Variants in ACSS3 observed in about 807,000 individuals in gnomAD.
The protein encoded by ACSS3 is acyl-CoA synthetase short chain family member 3, also known as acyl-CoA synthetase short-chain family member 3, mitochondrial.
ACSS3 carries 64 observed loss-of-function variants against 84.2 expected under a neutral mutation model. That is an observed-to-expected ratio of 0.76 (90% CI 0.62 to 0.94). The LOEUF is 0.94. Ranked by LOEUF, ACSS3 falls within the 40% of genes least tolerant of loss-of-function variation. The pLI, the probability that ACSS3 is intolerant of heterozygous loss-of-function variation, is 0.00. For synonymous variants in ACSS3, 317 were observed against 310.1 expected, an observed-to-expected ratio of 1.02 and a Z score of -0.23; for missense variants, 815 against 867.6, an observed-to-expected ratio of 0.94 and a Z score of 0.76.
At chr12:81,121,973 G>A (rs2121548683) in intron 2 of ACSS3, among the ~76,000 whole-genome samples, 1 of 150,800 alleles carries the variant, frequency 6.6e-6, no homozygotes, top group Admixed American at 6.6e-5. Flanking sequence ...TTGCTCTGCT[G>A]CCCAGACAGG....
intron 5 of ACSS3, 125 bp downstream of exon 5, chr12:81,143,372 T>G: frequency 9.2e-7 from 1 of 1,085,470 alleles, no homozygotes; most frequent in Non-Finnish European, 1.2e-6. Flanking sequence ...TTCATTTGCT[T>G]TTATTTTTTT....
chr12:81,196,146 T>C (rs976129720), intron 8 of ACSS3, among the ~76,000 whole-genome samples: 3 of 152,158 alleles, frequency 2.0e-5, no homozygotes, highest in Non-Finnish European at 4.4e-5. Context: ...GCATAATGAT[T>C]TGAGCAGGAA....
intron 7 of ACSS3, among the ~76,000 whole-genome samples, chr12:81,158,057 A>G (rs763140729): frequency 3.3e-5 from 5 of 151,984 alleles, no homozygotes; most frequent in African/African-American, 7.2e-5. Context: ...TAAATCAGCA[A>G]TGGCCACATA....
At chr12:81,148,759 T>C (rs1271189022) in intron 5 of ACSS3, among the ~76,000 whole-genome samples, 2 of 151,462 alleles carry the variant, frequency 1.3e-5, no homozygotes, top group Non-Finnish European at 2.9e-5. Context: ...TTAAGGTAGG[T>C]AGAGTATAAG....
intron 8 of ACSS3, among the ~76,000 whole-genome samples, chr12:81,195,115 A>G (rs768945206): frequency 6.6e-6 from 1 of 152,028 alleles, no homozygotes; most frequent in Non-Finnish European, 1.5e-5. Flanking sequence ...GACCTGTAGA[A>G]TTATTCGTTT....
At position 81,258,301 on chromosome 12, in the gene ACSS3, G is replaced by T. The variant is rs190638569; in HGVS notation, c.*3379G>T. ...ATTTTTTTTATTGACAATGGAAAGG[G>T]TTTCTGTTATCATTACCTTTTGACT... is the stretch of plus-strand genomic sequence containing the variant. On this transcript the variant is annotated 3_prime_UTR_variant, in exon 16 of 16. Coordinates refer to ENST00000548058, the MANE Select transcript of ACSS3 (RefSeq NM_024560.4). 4 of 152,190 alleles carry T rather than the reference G, an allele frequency of 2.6e-5. No homozygotes were observed. Among genetic ancestry groups the T allele is most frequent in the African/African-American group, 7.2e-5 (3 of 41,556 alleles). 9.4% of individuals were successfully genotyped at this position (152,190 alleles called of 1,614,324 possible). A position where few individuals can be genotyped will look rare whatever the true frequency, so the allele number is the denominator to read the frequency against.
At chr12:81,163,408 G>T (rs967688968) in intron 7 of ACSS3, among the ~76,000 whole-genome samples, 4 of 152,124 alleles carry the variant, frequency 2.6e-5, no homozygotes, top group African/African-American at 9.7e-5. Flanking sequence ...CTACTGTGCT[G>T]CCAATGGGGT....
At chr12:81,237,181 T>C (rs1306946664) in intron 13 of ACSS3, among the ~76,000 whole-genome samples, 3 of 151,540 alleles carry the variant, frequency 2.0e-5, no homozygotes, top group Non-Finnish European at 4.4e-5. Flanking sequence ...TTTTAGCAGG[T>C]AAATACCCAA....
chr12:81,111,594 A>G (rs1883598889), intron 2 of ACSS3, among the ~76,000 whole-genome samples: 1 of 152,192 alleles, frequency 6.6e-6, no homozygotes. Flanking sequence ...CTCCTCAGAA[A>G]TAAGGAATGG....
intron 1 of ACSS3, among the ~76,000 whole-genome samples, chr12:81,083,682 A>G (rs929184802): frequency 5.9e-5 from 9 of 151,910 alleles, no homozygotes; most frequent in Admixed American, 2.0e-4. Flanking sequence ...TTTAAAGAAG[A>G]AAAAATGGGC....
chr12:81,219,557 T>C (rs552771166), intron 10 of ACSS3, among the ~76,000 whole-genome samples: 54 of 152,260 alleles, frequency 3.5e-4, no homozygotes, highest in Admixed American at 7.2e-4. Context: ...ATTGACCAAA[T>C]TTAAAGCTCC....
chr12:81,210,794 A>G (rs766588099), intron 9 of ACSS3, among the ~76,000 whole-genome samples: 1 of 152,170 alleles, frequency 6.6e-6, no homozygotes, highest in African/African-American at 2.4e-5. Flanking sequence ...TTCTCTCTCC[A>G]GTCTCCCATT....
chr12:81,237,257 C>A (rs538635832), intron 13 of ACSS3, among the ~76,000 whole-genome samples: 1 of 151,586 alleles, frequency 6.6e-6, no homozygotes, highest in South Asian at 2.1e-4. Flanking sequence ...CTGGACTATA[C>A]ACATTTGGCC....
intron 9 of ACSS3, among the ~76,000 whole-genome samples, chr12:81,202,001 T>G (rs1399986004): frequency 6.6e-6 from 1 of 152,110 alleles, no homozygotes; most frequent in Non-Finnish European, 1.5e-5. Context: ...ACTGAAGGGC[T>G]GGGTGCGGTG....
intron 8 of ACSS3, among the ~76,000 whole-genome samples, chr12:81,195,255 C>G (rs957989220): frequency 1.3e-5 from 2 of 151,960 alleles, no homozygotes; most frequent in African/African-American, 4.8e-5. Flanking sequence ...GTTTGAATAA[C>G]ATATGATTAA....
rs986664943 is a variant in ACSS3 at position 81,253,653 on chromosome 12, A to C, written c.1978A>C (p.Asn660His). ...CCGATCAGCTTTATCTGCCATTGTCAATGGCAAGCCATACAAGGTAAATTA... is the reference window on the plus strand; with the variant it reads ...CCGATCAGCTTTATCTGCCATTGTCCATGGCAAGCCATACAAGGTAAATTA... ...IPRSALSAIV[N>H]GKPYKITSTI... The change falls in exon 15 of 16, where the codon AAT becomes CAT. Residue 660 changes from asparagine to histidine, a missense_variant. Coordinates refer to ENST00000548058, the MANE Select transcript of ACSS3 (RefSeq NM_024560.4). 8 of 1,613,388 alleles carry C rather than the reference A, an allele frequency of 5.0e-6. No homozygotes were observed. Among genetic ancestry groups the C allele is most frequent in the Admixed American group, 3.3e-5 (2 of 59,932 alleles).
chr12:81,143,084 ATTC>A lies in ACSS3; in HGVS notation c.781-20_781-18del. 6.2e-7 allele frequency: 1 copy of A among 1,604,536 alleles called. No individual in the cohort carries two copies. The highest frequency in any genetic ancestry group is 8.5e-7 in the Non-Finnish European group (1 of 1,173,950). On this transcript the variant is annotated intron_variant, in intron 4 of 15. Transcript: ENST00000548058. ...ATTTAATCTCCTTATTACAGTACAT[ATTC>A]TTATATTTTTGCTGTGTAGGAGGCG... is the stretch of plus-strand genomic sequence containing the variant.
intron 9 of ACSS3, among the ~76,000 whole-genome samples, chr12:81,203,440 T>C (rs1484615747): frequency 6.6e-6 from 1 of 152,206 alleles, no homozygotes; most frequent in Non-Finnish European, 1.5e-5. Context: ...AAATTAACCA[T>C]CACACATTAT....
intron 15 of ACSS3, 46 bp from the exon 16 acceptor site, chr12:81,254,811 A>G: frequency 2.1e-6 from 3 of 1,406,282 alleles, no homozygotes; most frequent in Admixed American, 3.9e-5. Flanking sequence ...AAAGAGTAGA[A>G]GAAATTCAAG....
Sources: allele counts gnomAD v4.1 joint callset (sites outside exome capture counted in the v4.1 genomes callset), GRCh38; gene constraint gnomAD v4.1.1; transcripts MANE v1.5; gene names NCBI Gene and HGNC (gene_info 2026-07-23, HGNC 2026-07-21).